GNAI1: variants seen among roughly 807,000 people sequenced by gnomAD.
GNAI1 encodes the protein G protein subunit alpha i1.
GNAI1 carries 11 observed loss-of-function variants against 38.9 expected under a neutral mutation model. The observed-to-expected ratio is 0.28, with a 90% CI of 0.18 to 0.47. The LOEUF (loss-of-function observed/expected upper bound fraction) is 0.47, where lower values mean the gene tolerates loss of function less well. Ranked by LOEUF, GNAI1 falls within the 20% of genes least tolerant of loss-of-function variation. The probability of loss-of-function intolerance (pLI) is 0.99; values close to 1 mark genes in which losing one functional copy is unlikely to be tolerated. For missense variants in GNAI1, 317 were observed against 436.9 expected, an observed-to-expected ratio of 0.73 and a Z score of 2.45; for synonymous variants, 166 against 145.1, an observed-to-expected ratio of 1.14 and a Z score of -1.04.
chr7:80,183,462 G>A (rs902443882), intron 1 of GNAI1, among the ~76,000 whole-genome samples: 1 of 152,080 alleles, frequency 6.6e-6, no homozygotes, highest in Non-Finnish European at 1.5e-5. Flanking sequence ...TAAAAATTAA[G>A]ATTTCTTAAA....
At chr7:80,181,854 C>T (rs1464901293) in intron 1 of GNAI1, among the ~76,000 whole-genome samples, 1 of 152,094 alleles carries the variant, frequency 6.6e-6, no homozygotes, top group Non-Finnish European at 1.5e-5. Context: ...TTAACGTATC[C>T]ATCATCTTGC....
At chr7:80,203,869 A>AT in intron 5 of GNAI1, 37 bp downstream of exon 5, 1 of 1,142,578 alleles carries the variant, frequency 8.8e-7, no homozygotes, top group Non-Finnish European at 1.3e-6. Flanking sequence ...CTAAATTTAG[A>AT]TAAAAACACA....
At chr7:80,162,734 A>G (rs935597681) in intron 1 of GNAI1, among the ~76,000 whole-genome samples, 2 of 152,158 alleles carry the variant, frequency 1.3e-5, no homozygotes, top group African/African-American at 4.8e-5. Flanking sequence ...CATACCTGGG[A>G]TAAGTAATAA....
chr7:80,183,843 T>G (rs933231016), intron 1 of GNAI1, among the ~76,000 whole-genome samples: 4 of 152,170 alleles, frequency 2.6e-5, no homozygotes, highest in Admixed American at 2.6e-4. Flanking sequence ...TATCTTGATT[T>G]GTTTTTATTT....
At chr7:80,149,054 T>C (rs1787680406) in intron 1 of GNAI1, among the ~76,000 whole-genome samples, 1 of 152,148 alleles carries the variant, frequency 6.6e-6, no homozygotes, top group Admixed American at 6.5e-5. Context: ...CTATATAAAA[T>C]ATTACAGCTA....
At position 80,221,667 on chromosome 7, in the gene GNAI1, G is replaced by A. The variant is rs1235970864; in HGVS notation, c.*4174G>A. 1.5e-4 allele frequency among the ~76,000 whole-genome samples: 12 copies of A among 81,732 alleles called. No individual in the cohort carries two copies. In the East Asian group the frequency reaches 6.4e-3, roughly 44 times the overall value. 53.6% of individuals were successfully genotyped at this position (81,732 alleles called of 152,430 possible). On this transcript the variant is annotated 3_prime_UTR_variant, in exon 8 of 8. Coordinates refer to ENST00000649796, the MANE Select transcript of GNAI1 (RefSeq NM_002069.6). The stretch of plus-strand genomic sequence containing the variant: ...TTTTTTTTTTTTTTTTTTTTGGTAT[G>A]GAGTCTTGCTCCTTCACCAGGCTGG...
chr7:80,158,778 C>T (rs58020816), intron 1 of GNAI1, among the ~76,000 whole-genome samples: 2,927 of 152,284 alleles, frequency 0.019, 80 homozygotes, highest in African/African-American at 0.066. Flanking sequence ...GTTTGCACCA[C>T]GCTATTCAAG....
At chr7:80,188,201 A>G (rs1788421353) in intron 1 of GNAI1, among the ~76,000 whole-genome samples, 1 of 152,214 alleles carries the variant, frequency 6.6e-6, no homozygotes, top group Non-Finnish European at 1.5e-5. Flanking sequence ...AGCTGTTTGA[A>G]CATCTGATAT....
At chr7:80,181,351 T>C (rs1449231580) in intron 1 of GNAI1, among the ~76,000 whole-genome samples, 4 of 152,110 alleles carry the variant, frequency 2.6e-5, no homozygotes, top group Non-Finnish European at 4.4e-5. Context: ...AAACACAAAC[T>C]CAAATATAGA....
intron 1 of GNAI1, among the ~76,000 whole-genome samples, chr7:80,154,204 A>G (rs1411326279): frequency 6.6e-6 from 1 of 152,196 alleles, no homozygotes; most frequent in Non-Finnish European, 1.5e-5. Context: ...ATTTACGGGC[A>G]TGAGCCACTG....
At position 80,219,188 on chromosome 7, in the gene GNAI1, T is replaced by C. The variant is rs1318941571; in HGVS notation, c.*1695T>C. 6.6e-6 allele frequency: 1 copy of C among 152,660 alleles called. No individual in the cohort carries two copies. The highest frequency in any genetic ancestry group is 1.5e-5 in the Non-Finnish European group (1 of 68,000). 9.5% of individuals were successfully genotyped at this position (152,660 alleles called of 1,614,324 possible). ...TTCTTTATGTGCCTTTCATGAAAGATATGTTTTCATTAATTTTACTGGTGG... is the reference window on the plus strand; with the variant it reads ...TTCTTTATGTGCCTTTCATGAAAGACATGTTTTCATTAATTTTACTGGTGG... On this transcript the variant is annotated 3_prime_UTR_variant, in exon 8 of 8. Transcript: ENST00000649796.
intron 1 of GNAI1, among the ~76,000 whole-genome samples, chr7:80,138,446 GGAT>G (rs1226685752): frequency 6.6e-6 from 1 of 152,046 alleles, no homozygotes; most frequent in Non-Finnish European, 1.5e-5. Context: ...ATGCTTATTA[GGAT>G]GATAATACTT....
rs1787381835 is a variant in GNAI1 at position 80,135,004 on chromosome 7, A to G, written c.-157A>G. 4.7e-6 allele frequency: 2 copies of G among 426,326 alleles called. No homozygotes were observed. The highest frequency in any genetic ancestry group is 8.2e-5 in the South Asian group (1 of 12,128). The allele number at this position is 426,326 out of a possible 1,614,324, so 26.4% of individuals were successfully genotyped here. ...CGTTGCTGTCTGCCCCTTTGCGGAC[A>G]GCGTCTCCCTCGACTCCGCTTAGGA... On this transcript the variant is annotated 5_prime_UTR_variant, in exon 1 of 8. Coordinates refer to ENST00000649796, the MANE Select transcript of GNAI1 (RefSeq NM_002069.6).
intron 1 of GNAI1, among the ~76,000 whole-genome samples, chr7:80,164,256 G>T (rs1004398979): frequency 6.6e-6 from 1 of 151,658 alleles, no homozygotes; most frequent in African/African-American, 2.4e-5. Context: ...TGTTGGCCAG[G>T]ATGGTCTCAT....
rs1788636780 is a variant in GNAI1 at position 80,199,228 on chromosome 7, G to A, written c.307G>A (p.Asp103Asn). ...AAAATGTCCTTTGAATGTTCAGGATGATGCACGCCAACTCTTTGTGCTAGC... is the reference window on the plus strand; with the variant it reads ...AAAATGTCCTTTGAATGTTCAGGATAATGCACGCCAACTCTTTGTGCTAGC... ...IDFGDSARAD[D>N]ARQLFVLAGA... The change falls in exon 4 of 8, where the codon GAT becomes AAT. Residue 103 changes from aspartate to asparagine, a missense_variant. Physicochemically the swap from Asp to Asn is conservative, Grantham distance 23. This residue lies in a region of GNAI1 where 67 missense variants were observed against 61.5 expected (regional missense o/e 1.09). Coordinates refer to ENST00000649796, the MANE Select transcript of GNAI1 (RefSeq NM_002069.6). 1 of 1,605,504 alleles carries A rather than the reference G, an allele frequency of 6.2e-7. No individual in the cohort carries two copies. Among genetic ancestry groups the A allele is most frequent in the Non-Finnish European group, 8.5e-7 (1 of 1,175,030 alleles).
Position 80,208,400 on chromosome 7 carries a change from G to A in GNAI1, c.591-2569G>A, listed in dbSNP as rs1441353073. Among the ~76,000 whole-genome samples the A allele has an allele frequency of 2.0e-5, 3 of 152,134 alleles. 1 individual carries two copies. Among genetic ancestry groups the A allele is most frequent in the Admixed American group, 1.3e-4 (2 of 15,258 alleles). ...AAAATGAAAGCAGTGATAAAAATTA[G>A]TGTTTCTTCTAGTTATCTTCATCTA... On this transcript the variant is annotated intron_variant, in intron 5 of 7. Coordinates refer to ENST00000649796, the MANE Select transcript of GNAI1 (RefSeq NM_002069.6).
intron 1 of GNAI1, among the ~76,000 whole-genome samples, chr7:80,156,534 C>T (rs1787821669): frequency 6.6e-6 from 1 of 151,936 alleles, no homozygotes; most frequent in African/African-American, 2.4e-5. Flanking sequence ...CTCAAGTGAT[C>T]TTCCTTGTCT....
At position 80,135,119 on chromosome 7, in the gene GNAI1, C is replaced by T. The variant is rs1787385798; in HGVS notation, c.-42C>T. Reference sequence around the variant, plus strand: ...TTCCCCTGTGCTTGGAGCCCGCACTCGGGCGCGGAGGGAGCGGCGGCAGGC... The same window carrying T: ...TTCCCCTGTGCTTGGAGCCCGCACTTGGGCGCGGAGGGAGCGGCGGCAGGC... On this transcript the variant is annotated 5_prime_UTR_variant, in exon 1 of 8. Transcript: ENST00000649796. The T allele has an allele frequency of 2.2e-6, 3 of 1,362,776 alleles. No individual in the cohort carries two copies. The highest frequency in any genetic ancestry group is 1.6e-5 in the South Asian group (1 of 62,904). 84.4% of individuals were successfully genotyped at this position (1,362,776 alleles called of 1,614,324 possible). A position where few individuals can be genotyped will look rare whatever the true frequency, so the allele number is the denominator to read the frequency against.
intron 3 of GNAI1, among the ~76,000 whole-genome samples, chr7:80,198,542 T>A (rs918853163): frequency 5.9e-5 from 9 of 152,166 alleles, no homozygotes; most frequent in African/African-American, 2.2e-4. Flanking sequence ...AATTTTTACA[T>A]ACTGTCCTCT....
Sources: gnomAD v4.1 joint callset for allele counts (sites outside exome capture counted in the v4.1 genomes callset) on GRCh38, gnomAD v4.1.1 for gene constraint, gnomAD v4.1.1 regional missense constraint, MANE v1.5 for transcripts, NCBI Gene and HGNC (gene_info 2026-07-23, HGNC 2026-07-21) for gene names.